The following ZDHHC3 variants were observed in gnomAD, a reference collection of about 807,000 sequenced individuals.
ZDHHC3 encodes zDHHC palmitoyltransferase 3, also known as palmitoyltransferase ZDHHC3.
Under a neutral mutation model 30.6 loss-of-function variants are expected in ZDHHC3, and 9 were observed. That is an observed-to-expected ratio of 0.29 (90% CI 0.18 to 0.51). The LOEUF (loss-of-function observed/expected upper bound fraction) is 0.51. Ranked by LOEUF, ZDHHC3 falls within the 20% of genes least tolerant of loss-of-function variation. The pLI is 0.97. For synonymous variants in ZDHHC3, 136 were observed against 140.2 expected (o/e 0.97, Z 0.21); for missense variants, 246 against 384.2 (o/e 0.64, Z 3.01).
chr3:44,952,659 A>C (rs1703570125), intron 2 of ZDHHC3, among the ~76,000 whole-genome samples: 1 of 152,142 alleles, frequency 6.6e-6, no homozygotes, highest in South Asian at 2.1e-4. Context: ...CCCAAAGGCA[A>C]CATTCTAAGT....
At chr3:44,934,624 G>A (rs1259269142) in intron 3 of ZDHHC3, among the ~76,000 whole-genome samples, 11 of 148,982 alleles carry the variant, frequency 7.4e-5, no homozygotes, top group East Asian at 6.0e-4. Context: ...GAGTCCAGGC[G>A]CAGTGGCCTG....
chr3:44,966,603 T>C (rs1241940230), intron 1 of ZDHHC3, among the ~76,000 whole-genome samples: 3 of 152,226 alleles, frequency 2.0e-5, no homozygotes, highest in East Asian at 1.9e-4. Flanking sequence ...TTTAGAGTGA[T>C]AGTCTTAAAG....
Position 44,920,098 on chromosome 3 carries a change from C to A in ZDHHC3, c.*6591G>T. ...TATTTCTGTAGACTTCTCACACAAT[C>A]CAAGTTTTACCAATGAGCCAATGTT... On this transcript the variant is annotated 3_prime_UTR_variant, in exon 7 of 7. Coordinates refer to ENST00000424952, the MANE Select transcript of ZDHHC3 (RefSeq NM_001135179.2). The A allele has an allele frequency of 8.3e-7, 1 of 1,211,738 alleles. No individual in the cohort carries two copies. 75.1% of individuals were successfully genotyped at this position (1,211,738 alleles called of 1,614,324 possible). A position where few individuals can be genotyped will look rare whatever the true frequency, so the allele number is the denominator to read the frequency against.
intron 2 of ZDHHC3, among the ~76,000 whole-genome samples, chr3:44,956,603 C>T (rs1168041021): frequency 6.6e-6 from 1 of 152,146 alleles, no homozygotes; most frequent in African/African-American, 2.4e-5. Context: ...GAGGCCCAGC[C>T]ATCAGTACTT....
intron 3 of ZDHHC3, among the ~76,000 whole-genome samples, chr3:44,941,758 A>T (rs930184635): frequency 7.5e-6 from 1 of 133,898 alleles, no homozygotes; most frequent in Non-Finnish European, 1.6e-5. Context: ...CTGATGAGCT[A>T]AAAAAAAAAA....
At chr3:44,974,977 G>T (rs1705762985) in intron 1 of ZDHHC3, among the ~76,000 whole-genome samples, 1 of 152,000 alleles carries the variant, frequency 6.6e-6, no homozygotes, top group Non-Finnish European at 1.5e-5. Flanking sequence ...TGTTCTAAAG[G>T]TAGCACAAAG....
chr3:44,957,899 G>GT (rs1223740974), intron 2 of ZDHHC3, among the ~76,000 whole-genome samples: 1 of 152,166 alleles, frequency 6.6e-6, no homozygotes, highest in Admixed American at 6.5e-5. Flanking sequence ...GCAAAGCAAT[G>GT]TTTTTTACTT....
intron 2 of ZDHHC3, among the ~76,000 whole-genome samples, chr3:44,956,767 C>T (rs1024020170): frequency 3.9e-5 from 6 of 152,130 alleles, no homozygotes; most frequent in African/African-American, 1.4e-4. Flanking sequence ...CCTCTAGTCC[C>T]CCTGCTTCTA....
intron 1 of ZDHHC3, chr3:44,975,397 T>G (rs548582899): frequency 1.3e-5 from 2 of 152,186 alleles, no homozygotes; most frequent in African/African-American, 4.8e-5. Context: ...CTAGGAAGCG[T>G]TGGGGACGTC....
intron 2 of ZDHHC3, among the ~76,000 whole-genome samples, chr3:44,950,876 C>T (rs1383553793): frequency 6.6e-6 from 1 of 152,176 alleles, no homozygotes; most frequent in East Asian, 1.9e-4. Context: ...GCTTGCATTA[C>T]TGAGAAATGC....
intron 5 of ZDHHC3, 23 bp from the exon 6 acceptor site, chr3:44,929,459 G>T (rs754478483): frequency 1.2e-6 from 2 of 1,612,834 alleles, no homozygotes; most frequent in Non-Finnish European, 1.7e-6. Context: ...CAGCACACAG[G>T]GATTGGTACT....
rs375336428 is a variant in ZDHHC3, at chr3:44,923,316, T to A, written c.*3373A>T. The stretch of plus-strand genomic sequence containing the variant: ...TGATCTCGATCTCTTGACCTCGTGA[T>A]CTGCCCGCCTCGGCCTCCCAAAGTG... On this transcript the variant is annotated 3_prime_UTR_variant, in exon 7 of 7. Transcript: ENST00000424952. 184 of 979,008 alleles carry A rather than the reference T, an allele frequency of 1.9e-4. 1 individual carries two copies. In the East Asian group the frequency reaches 0.015, roughly 78 times the overall value. The allele number at this position is 979,008 out of a possible 1,614,324, so 60.6% of individuals were successfully genotyped here.
At position 44,923,829 on chromosome 3, in the gene ZDHHC3, A is replaced by T. The variant is rs1700783670; in HGVS notation, c.*2860T>A. 3 of 985,306 alleles carry T rather than the reference A, an allele frequency of 3.0e-6. No individual in the cohort carries two copies. The highest frequency in any genetic ancestry group is 3.6e-6 in the Non-Finnish European group (3 of 829,946). The allele number at this position is 985,306 out of a possible 1,614,324, so 61.0% of individuals were successfully genotyped here. On this transcript the variant is annotated 3_prime_UTR_variant, in exon 7 of 7. Coordinates refer to ENST00000424952, the MANE Select transcript of ZDHHC3 (RefSeq NM_001135179.2). ...AACAAAAAAGAGGAAGTACAGTATG[A>T]AGAAGACAAAATGGTGGGACTAAAA...
At chr3:44,973,648 G>A (rs1423280666) in intron 1 of ZDHHC3, among the ~76,000 whole-genome samples, 1 of 152,050 alleles carries the variant, frequency 6.6e-6, no homozygotes, top group Non-Finnish European at 1.5e-5. Flanking sequence ...AGTAAAGATG[G>A]GGTTTCTCCA....
intron 6 of ZDHHC3, among the ~76,000 whole-genome samples, chr3:44,928,504 G>A (rs1701201666): frequency 6.6e-6 from 1 of 152,128 alleles, no homozygotes; most frequent in Non-Finnish European, 1.5e-5. Flanking sequence ...TACCGGGATG[G>A]CTCTCAACCT....
Position 44,923,978 on chromosome 3 carries a change from T to G in ZDHHC3, c.*2711A>C. 1.0e-6 allele frequency: 1 copy of G among 985,466 alleles called. No individual in the cohort carries two copies. The highest frequency in any genetic ancestry group is 1.2e-6 in the Non-Finnish European group (1 of 829,936). The allele number at this position is 985,466 out of a possible 1,614,324, so 61.0% of individuals were successfully genotyped here. A position where few individuals can be genotyped will look rare whatever the true frequency, so the allele number is the denominator to read the frequency against. On this transcript the variant is annotated 3_prime_UTR_variant, in exon 7 of 7. Coordinates refer to ENST00000424952, the MANE Select transcript of ZDHHC3 (RefSeq NM_001135179.2). ...AAGCCTTTTGCATATTCAGTCTAGT[T>G]GCTATGAACACAAACCTGACAGAGT... is the stretch of plus-strand genomic sequence containing the variant.
At chr3:44,961,163 C>A (rs927178312) in intron 1 of ZDHHC3, among the ~76,000 whole-genome samples, 30 of 152,160 alleles carry the variant, frequency 2.0e-4, no homozygotes, top group Admixed American at 1.7e-3. Flanking sequence ...GAGGCCAAGG[C>A]GGGTGGATCA....
chr3:44,957,125 C>G (rs1042530316), intron 2 of ZDHHC3, among the ~76,000 whole-genome samples: 1 of 152,226 alleles, frequency 6.6e-6, no homozygotes, highest in Admixed American at 6.5e-5. Context: ...TCAGAGATGA[C>G]TTCTTAGACC....
Position 44,922,748 on chromosome 3 carries a change from C to G in ZDHHC3, c.*3941G>C. On this transcript the variant is annotated 3_prime_UTR_variant, in exon 7 of 7. Coordinates refer to ENST00000424952, the MANE Select transcript of ZDHHC3 (RefSeq NM_001135179.2). ...GCTGGGCCCCGCTCGGTTTCTGGTT[C>G]GGTAGCCTGGGGTGGGGACCGAGAA... 1.0e-6 allele frequency: 1 copy of G among 984,672 alleles called. No homozygotes were observed. Among genetic ancestry groups the G allele is most frequent in the Non-Finnish European group, 1.2e-6 (1 of 829,288 alleles). 61.0% of individuals were successfully genotyped at this position (984,672 alleles called of 1,614,324 possible). A position where few individuals can be genotyped will look rare whatever the true frequency, so the allele number is the denominator to read the frequency against.
Sources: gnomAD v4.1 joint callset for allele counts (sites outside exome capture counted in the v4.1 genomes callset) on GRCh38, gnomAD v4.1.1 for gene constraint, MANE v1.5 for transcripts, NCBI Gene and HGNC (gene_info 2026-07-23, HGNC 2026-07-21) for gene names.